MAD2L1: variants seen among roughly 807,000 people sequenced by gnomAD.
MAD2L1 encodes the protein mitotic arrest deficient 2 like 1.
A neutral mutation model predicts 25.9 loss-of-function variants in MAD2L1; 10 were observed. The observed-to-expected ratio is 0.39, with a 90% CI of 0.24 to 0.66. MAD2L1 has a LOEUF of 0.66. Among genes scored for constraint, MAD2L1 ranks in the 30% least tolerant of loss-of-function variants. MAD2L1 has a pLI of 0.49. For missense variants in MAD2L1, 180 were observed against 246.4 expected, an observed-to-expected ratio of 0.73 and a Z score of 1.80; for synonymous variants, 81 against 91.8, an observed-to-expected ratio of 0.88 and a Z score of 0.67.
At position 120,064,671 on chromosome 4, in the gene MAD2L1, T is replaced by C. The variant is rs1023370283; in HGVS notation, c.220+1001A>G. Among the ~76,000 whole-genome samples the C allele has an allele frequency of 3.3e-5, 5 of 152,184 alleles. No individual in the cohort carries two copies. In the South Asian group the frequency reaches 1.0e-3, roughly 32 times the overall value. On this transcript the variant is annotated intron_variant, in intron 2 of 4. Coordinates refer to ENST00000296509, the MANE Select transcript of MAD2L1 (RefSeq NM_002358.4). ...AATTTGAGACCTGACATCCACAGGT[T>C]GTTGTGGGATTCCCCTCCTGTACAC...
intron 3 of MAD2L1, among the ~76,000 whole-genome samples, chr4:120,061,574 G>A (rs1003289160): frequency 1.3e-5 from 2 of 152,068 alleles, no homozygotes; most frequent in African/African-American, 4.8e-5. Context: ...AAGTGTCTTA[G>A]GAAGTAGATG....
At chr4:120,061,046 A>G in intron 3 of MAD2L1, 69 bp from the exon 4 acceptor site, 2 of 886,422 alleles carry the variant, frequency 2.3e-6, no homozygotes, top group Non-Finnish European at 3.7e-6. Flanking sequence ...CATAGTGGTT[A>G]GATTATTTAT....
intron 1 of MAD2L1, among the ~76,000 whole-genome samples, chr4:120,066,354 AG>A (rs1726319770): frequency 6.6e-6 from 1 of 151,846 alleles, no homozygotes; most frequent in African/African-American, 2.4e-5. Context: ...AAAAAAAAAA[AG>A]AAAAACACAC....
rs1726229582 is a variant in MAD2L1 at position 120,062,112 on chromosome 4, G to A, written c.221-17C>T. 1 of 1,599,944 alleles carries A rather than the reference G, an allele frequency of 6.3e-7. No individual in the cohort carries two copies. On this transcript the variant is annotated splice_polypyrimidine_tract_variant and intron_variant, in intron 2 of 4. Transcript: ENST00000296509. ...ATAACCAATCTGCAACATATAAAAAGGAAGGCATCTTTCTTGGTCCACTGC... is the reference window on the plus strand; with the variant it reads ...ATAACCAATCTGCAACATATAAAAAAGAAGGCATCTTTCTTGGTCCACTGC...
At position 120,066,712 on chromosome 4, in the gene MAD2L1, T is replaced by A; in HGVS notation, c.23A>T (p.Glu8Val). 1 of 1,602,616 alleles carries A rather than the reference T, an allele frequency of 6.2e-7. No homozygotes were observed. Among genetic ancestry groups the A allele is most frequent in the Non-Finnish European group, 8.5e-7 (1 of 1,172,134 alleles). Reference sequence around the variant, plus strand: ...GCTCCCGCGCAGGGTGATTCCCTGCTCCCGGGAGAGCTGCAGCGCCATGGC... The same window carrying A: ...GCTCCCGCGCAGGGTGATTCCCTGCACCCGGGAGAGCTGCAGCGCCATGGC... Reference protein sequence around the residue: MALQLSREQGITLRGSAE... With the variant: MALQLSRVQGITLRGSAE... The change falls in exon 1 of 5, where the codon GAG (glutamate) becomes GTG (valine). Residue 8 changes from glutamate (E) to valine (V), a missense_variant. Glu to Val is a moderately radical substitution (Grantham distance 121, BLOSUM62 -2). Coordinates refer to ENST00000296509, the MANE Select transcript of MAD2L1 (RefSeq NM_002358.4).
intron 4 of MAD2L1, 71 bp downstream of exon 4, chr4:120,060,803 G>A (rs1726201615): frequency 2.3e-6 from 2 of 859,092 alleles, no homozygotes; most frequent in Non-Finnish European, 1.8e-6. Context: ...TTTAATAAAG[G>A]GGTGATTACG....
Position 120,059,357 on chromosome 4 carries a change from T to C in MAD2L1, c.*761A>G, listed in dbSNP as rs969115135. The C allele has an allele frequency of 2.6e-5, 4 of 152,208 alleles. No homozygotes were observed. The highest frequency in any genetic ancestry group is 2.1e-4 in the South Asian group (1 of 4,822). 9.4% of individuals were successfully genotyped at this position (152,208 alleles called of 1,614,324 possible). A position where few individuals can be genotyped will look rare whatever the true frequency, so the allele number is the denominator to read the frequency against. ...ATAACTTCGTAGGAACAAGAATTCA[T>C]TAGCTATGCTGAATCAATTCTAATT... On this transcript the variant is annotated 3_prime_UTR_variant, in exon 5 of 5. Transcript: ENST00000296509.
In MAD2L1 at chr4:120,057,749, G is replaced by T. The variant is rs1726134337; in HGVS notation, c.*2369C>A. The T allele has an allele frequency of 6.6e-6, 1 of 152,246 alleles. No individual in the cohort carries two copies. Among genetic ancestry groups the T allele is most frequent in the African/African-American group, 2.4e-5 (1 of 41,456 alleles). The allele number at this position is 152,246 out of a possible 1,614,324, so 9.4% of individuals were successfully genotyped here. A position where few individuals can be genotyped will look rare whatever the true frequency, so the allele number is the denominator to read the frequency against. ...CTCCTGAGGTAAGCCTCAAGGTCTA[G>T]AAAGAGGATGGGACAGTCCACTTGG... is the stretch of plus-strand genomic sequence containing the variant. On this transcript the variant is annotated 3_prime_UTR_variant, in exon 5 of 5. Coordinates refer to ENST00000296509, the MANE Select transcript of MAD2L1 (RefSeq NM_002358.4).
chr4:120,056,633 C>T lies in MAD2L1; in HGVS notation c.*3485G>A, dbSNP rs1047528680. On this transcript the variant is annotated 3_prime_UTR_variant, in exon 5 of 5. Coordinates refer to ENST00000296509, the MANE Select transcript of MAD2L1 (RefSeq NM_002358.4). ...ATATATAGGAAGTCAGTATAATTAG[C>T]ATTATACTAATAAAAACATTTTTCA... 4 of 152,156 alleles carry T rather than the reference C, an allele frequency of 2.6e-5. No individual in the cohort carries two copies. In the South Asian group the frequency reaches 8.3e-4, roughly 32 times the overall value. 9.4% of individuals were successfully genotyped at this position (152,156 alleles called of 1,614,324 possible). A position where few individuals can be genotyped will look rare whatever the true frequency, so the allele number is the denominator to read the frequency against.
chr4:120,065,869 G>T, intron 1 of MAD2L1, 51 bp from the exon 2 acceptor site: 1 of 1,578,026 alleles, frequency 6.3e-7, no homozygotes, highest in Non-Finnish European at 8.7e-7. Flanking sequence ...GCATAACTCT[G>T]GAAAATAAAA....
chr4:120,058,969 T>C lies in MAD2L1; in HGVS notation c.*1149A>G, dbSNP rs755727598. 1 of 152,170 alleles carries C rather than the reference T, an allele frequency of 6.6e-6. No individual in the cohort carries two copies. The highest frequency in any genetic ancestry group is 1.5e-5 in the Non-Finnish European group (1 of 68,026). The allele number at this position is 152,170 out of a possible 1,614,324, so 9.4% of individuals were successfully genotyped here. On this transcript the variant is annotated 3_prime_UTR_variant, in exon 5 of 5. Coordinates refer to ENST00000296509, the MANE Select transcript of MAD2L1 (RefSeq NM_002358.4). ...TGAATTTTTACAAAATGAGGTCAGA[T>C]TTAGATTAGAGATTAGAGAAGACTT...
rs147976001 is a variant in MAD2L1 at position 120,057,604 on chromosome 4, G to T, written c.*2514C>A. The T allele has an allele frequency of 6.6e-6, 1 of 152,430 alleles. No individual in the cohort carries two copies. The highest frequency in any genetic ancestry group is 2.4e-5 in the African/African-American group (1 of 41,588). The allele number at this position is 152,430 out of a possible 1,614,324, so 9.4% of individuals were successfully genotyped here. On this transcript the variant is annotated 3_prime_UTR_variant, in exon 5 of 5. Transcript: ENST00000296509. ...TCTGTTCATCCTCTACATATGGTAA[G>T]CAACACTGAGCCAGAGTCCAGGCCA...
At chr4:120,062,303 G>A (rs143343182) in intron 2 of MAD2L1, among the ~76,000 whole-genome samples, 1 of 152,220 alleles carries the variant, frequency 6.6e-6, no homozygotes, top group East Asian at 1.9e-4. Flanking sequence ...TTGGTGCTGA[G>A]GACAGAATAC....
chr4:120,060,667 A>T (rs1726197637), intron 4 of MAD2L1, among the ~76,000 whole-genome samples: 1 of 152,164 alleles, frequency 6.6e-6, no homozygotes, highest in African/African-American at 2.4e-5. Context: ...TAGGGTTCAT[A>T]CTATCCATGG....
chr4:120,059,898 T>C lies in MAD2L1; in HGVS notation c.*220A>G. The C allele has an allele frequency of 2.6e-6, 1 of 391,410 alleles. No individual in the cohort carries two copies. The highest frequency in any genetic ancestry group is 3.8e-5 in the East Asian group (1 of 26,570). The allele number at this position is 391,410 out of a possible 1,614,324, so 24.2% of individuals were successfully genotyped here. A position where few individuals can be genotyped will look rare whatever the true frequency, so the allele number is the denominator to read the frequency against. The stretch of plus-strand genomic sequence containing the variant: ...TTGACAAAAAAACCTCCTGGTTCCT[T>C]TTGAACAATGTGCAATAAATTCATG... On this transcript the variant is annotated 3_prime_UTR_variant, in exon 5 of 5. Coordinates refer to ENST00000296509, the MANE Select transcript of MAD2L1 (RefSeq NM_002358.4).
intron 4 of MAD2L1, 33 bp downstream of exon 4, chr4:120,060,832 TGCCAATCAA>T (rs1343031269): frequency 7.7e-7 from 1 of 1,304,192 alleles, no homozygotes; most frequent in Non-Finnish European, 1.1e-6. Context: ...TTAGTCTTTT[TGCCAATCAA>T]TTTAATTCAA....
rs767071365 is a variant in MAD2L1 at position 120,065,813 on chromosome 4, C to T, written c.79G>A (p.Gly27Ser). 1.9e-6 allele frequency: 3 copies of T among 1,612,258 alleles called. No homozygotes were observed. The highest frequency in any genetic ancestry group is 3.4e-5 in the Admixed American group (2 of 59,590). ...AEIVAEFFSFGINSILYQRGI... is the reference protein window; with the variant it reads ...AEIVAEFFSFSINSILYQRGI... ...CGCTGATATAAAATGCTGTTGATGC[C>T]GAATGCTGCAAGCAAAAGAAATGTT... The change falls in exon 2 of 5, where the codon GGC (glycine) becomes AGC (serine). Residue 27 changes from glycine (G) to serine (S), a missense_variant. Coordinates refer to ENST00000296509, the MANE Select transcript of MAD2L1 (RefSeq NM_002358.4).
chr4:120,060,353 CTCTCT>C, intron 4 of MAD2L1, 63 bp from the exon 5 acceptor site: 1 of 1,351,068 alleles, frequency 7.4e-7, no homozygotes, highest in Non-Finnish European at 1.0e-6. Flanking sequence ...ATCTTGCTGC[CTCTCT>C]TCTATTTTGA....
rs1726158465 is a variant in MAD2L1, at chr4:120,058,908, A to G, written c.*1210T>C. 6.6e-6 allele frequency: 1 copy of G among 152,230 alleles called. No individual in the cohort carries two copies. Among genetic ancestry groups the G allele is most frequent in the Non-Finnish European group, 1.5e-5 (1 of 68,038 alleles). 9.4% of individuals were successfully genotyped at this position (152,230 alleles called of 1,614,324 possible). On this transcript the variant is annotated 3_prime_UTR_variant, in exon 5 of 5. Coordinates refer to ENST00000296509, the MANE Select transcript of MAD2L1 (RefSeq NM_002358.4). Reference sequence around the variant, plus strand: ...GAAGGTTAAATAAGTTAATACACATAAAGAACTTAGTGTCTAATAATAAAC... The same window carrying G: ...GAAGGTTAAATAAGTTAATACACATGAAGAACTTAGTGTCTAATAATAAAC...
Sources: gnomAD v4.1 joint callset for allele counts (sites outside exome capture counted in the v4.1 genomes callset) on GRCh38, gnomAD v4.1.1 for gene constraint, MANE v1.5 for transcripts, NCBI Gene and HGNC (gene_info 2026-07-23, HGNC 2026-07-21) for gene names.